SLC25A12: variants seen among roughly 807,000 people sequenced by gnomAD.
The protein encoded by SLC25A12 is solute carrier family 25 member 12.
In SLC25A12, 32 loss-of-function variants were observed where a neutral mutation model predicts 83.3. The observed-to-expected ratio is 0.38, with a 90% CI of 0.29 to 0.52. The LOEUF is 0.52. SLC25A12 is among the 20% of genes least tolerant of loss of function. SLC25A12 has a pLI of 0.84. For synonymous variants in SLC25A12, 267 were observed against 291.1 expected (o/e 0.92, Z 0.84); for missense variants, 611 against 835.6 (o/e 0.73, Z 3.31).
At chr2:171,805,938 A>C (rs1234842160) in intron 13 of SLC25A12, among the ~76,000 whole-genome samples, 1 of 151,918 alleles carries the variant, frequency 6.6e-6, no homozygotes, top group African/African-American at 2.4e-5. Context: ...ATGAAACCCC[A>C]TCTCTACAAA....
At chr2:171,882,884 A>C (rs1371872324) in intron 2 of SLC25A12, among the ~76,000 whole-genome samples, 1 of 152,144 alleles carries the variant, frequency 6.6e-6, no homozygotes, top group Non-Finnish European at 1.5e-5. Context: ...CTATGGCTGG[A>C]CCGTTATTCT....
chr2:171,866,837 G>A (rs1183150692), intron 3 of SLC25A12, among the ~76,000 whole-genome samples: 9 of 149,410 alleles, frequency 6.0e-5, no homozygotes, highest in East Asian at 2.0e-4. Context: ...CCTCCCGGAC[G>A]GGGTGGCTGC....
rs560962422 is a variant in SLC25A12, at chr2:171,835,110, T to C, written c.613-245A>G. On this transcript the variant is annotated intron_variant, in intron 6 of 17. Coordinates refer to ENST00000422440, the MANE Select transcript of SLC25A12 (RefSeq NM_003705.5). ...TGGAAGTTGGACTTCATGGTTCATC[T>C]ACCTATAAGGTCAAAAACAACAAAT... Among the ~76,000 whole-genome samples the C allele has an allele frequency of 5.9e-5, 9 of 152,358 alleles. No individual in the cohort carries two copies. The East Asian group carries it at 1.7e-3, about 29-fold the overall frequency.
chr2:171,831,350 T>C (rs1558923241), intron 8 of SLC25A12, among the ~76,000 whole-genome samples: 1 of 152,190 alleles, frequency 6.6e-6, no homozygotes, highest in African/African-American at 2.4e-5. Flanking sequence ...TGCATCACAT[T>C]ACCTGACCTT....
chr2:171,813,945 G>A (rs1683998224), intron 10 of SLC25A12, among the ~76,000 whole-genome samples: 1 of 152,114 alleles, frequency 6.6e-6, no homozygotes, highest in African/African-American at 2.4e-5. Flanking sequence ...GTTTAATAAA[G>A]CATCTTGGTA....
chr2:171,855,306 T>C (rs987237675), intron 4 of SLC25A12, among the ~76,000 whole-genome samples: 2 of 152,232 alleles, frequency 1.3e-5, no homozygotes, highest in Admixed American at 6.5e-5. Context: ...TCTACATTCA[T>C]GTCAGATGGC....
chr2:171,785,856 G>A (rs112430957), intron 17 of SLC25A12, among the ~76,000 whole-genome samples: 18 of 151,822 alleles, frequency 1.2e-4, no homozygotes, highest in Admixed American at 5.9e-4. Context: ...AGCTGGTTTC[G>A]AACTTCTGGT....
rs1158328036 is a variant in SLC25A12, at chr2:171,834,770, A to G, written c.708T>C (p.Tyr236=). The G allele has an allele frequency of 1.2e-6, 2 of 1,613,900 alleles. No homozygotes were observed. Among genetic ancestry groups the G allele is most frequent in the East Asian group, 2.2e-5 (1 of 44,870 alleles). Residue 236 remains tyrosine, a synonymous_variant, in exon 7 of 18, where the codon TAT becomes TAC. Transcript: ENST00000422440. ...CTTTCCTTGTGCCAGCTAGAGTGCT[A>G]TATATCTTACGAACAAGCTCCATGT... ...LNNMELVRKI[Y]STLAGTRKDV...
intron 5 of SLC25A12, among the ~76,000 whole-genome samples, chr2:171,841,816 G>A (rs1045322734): frequency 6.6e-6 from 1 of 152,212 alleles, no homozygotes; most frequent in Non-Finnish European, 1.5e-5. Context: ...GAGGTTCAAC[G>A]TAACAGAACA....
intron 9 of SLC25A12, among the ~76,000 whole-genome samples, chr2:171,819,386 T>TATA (rs372081688): frequency 7.4e-4 from 85 of 115,138 alleles, no homozygotes; most frequent in Middle Eastern, 0.018. Flanking sequence ...TTATATATAA[T>TATA]ATATATTATA....
chr2:171,819,874 T>C (rs1204615894), intron 9 of SLC25A12, among the ~76,000 whole-genome samples: 1 of 152,138 alleles, frequency 6.6e-6, no homozygotes, highest in African/African-American at 2.4e-5. Context: ...ATAAAAGTAA[T>C]TCTAATATGC....
intron 14 of SLC25A12, among the ~76,000 whole-genome samples, chr2:171,792,725 G>GTCCCAAA (rs1683505781): frequency 2.0e-5 from 3 of 152,152 alleles, no homozygotes; most frequent in African/African-American, 7.2e-5. Context: ...AAAAAGGATG[G>GTCCCAAA]AAATTGGGAG....
At chr2:171,863,539 AAAAAAG>A (rs1385417276) in intron 3 of SLC25A12, among the ~76,000 whole-genome samples, 5 of 152,224 alleles carry the variant, frequency 3.3e-5, no homozygotes, top group East Asian at 1.9e-4. Flanking sequence ...CAAAAAAAAA[AAAAAAG>A]AAAAGAAAAT....
chr2:171,793,282 AATAAAC>A (rs1683526791), intron 14 of SLC25A12, among the ~76,000 whole-genome samples: 2 of 152,206 alleles, frequency 1.3e-5, no homozygotes, highest in South Asian at 4.1e-4. Context: ...TCAGACCGAA[AATAAAC>A]ATAAGACTAT....
chr2:171,893,082 C>G (rs1239510141), intron 2 of SLC25A12, 123 bp downstream of exon 2: 7 of 748,550 alleles, frequency 9.4e-6, no homozygotes, highest in African/African-American at 1.7e-5. Context: ...GCTATATTGT[C>G]CGGTCATGTT....
intron 2 of SLC25A12, 65 bp downstream of exon 2, chr2:171,893,140 T>C (rs1685980464): frequency 7.8e-7 from 1 of 1,282,752 alleles, no homozygotes. Context: ...AAGGCATGAA[T>C]AGGACTAAGG....
intron 11 of SLC25A12, among the ~76,000 whole-genome samples, chr2:171,812,308 T>G (rs1471876988): frequency 6.6e-6 from 1 of 152,176 alleles, no homozygotes; most frequent in Non-Finnish European, 1.5e-5. Context: ...GGTGTTTTTT[T>G]CCTCCTGTCC....
intron 3 of SLC25A12, among the ~76,000 whole-genome samples, chr2:171,865,413 C>A (rs1398637888): frequency 1.3e-5 from 2 of 152,118 alleles, no homozygotes; most frequent in East Asian, 3.8e-4. Flanking sequence ...CTAATCCCAG[C>A]AGTTTGGGAG....
chr2:171,834,382 G>T (rs967898961), intron 7 of SLC25A12: 5 of 427,654 alleles, frequency 1.2e-5, no homozygotes, highest in Non-Finnish European at 1.7e-5. Context: ...GTGTTCTCCA[G>T]TCATTCAAAA....
Sources: allele counts gnomAD v4.1 joint callset (sites outside exome capture counted in the v4.1 genomes callset), GRCh38; gene constraint gnomAD v4.1.1; transcripts MANE v1.5; gene names NCBI Gene and HGNC (gene_info 2026-07-23, HGNC 2026-07-21).